Variants in BIRC6 observed in about 807,000 individuals in gnomAD.
The protein encoded by BIRC6 is baculoviral IAP repeat containing 6.
Under a neutral mutation model 503.3 loss-of-function variants are expected in BIRC6, and 98 were observed. That is an observed-to-expected ratio of 0.19 (90% CI 0.17 to 0.23). The LOEUF is 0.23. Among genes scored for constraint, BIRC6 ranks in the 10% least tolerant of loss-of-function variants. The pLI, the probability that BIRC6 is intolerant of heterozygous loss-of-function variation, is 1.00. For missense variants in BIRC6, 5,360 were observed against 5,806.0 expected, an observed-to-expected ratio of 0.92 and a Z score of 2.50; for synonymous variants, 2,240 against 2,078.7, an observed-to-expected ratio of 1.08 and a Z score of -2.11.
intron 11 of BIRC6, among the ~76,000 whole-genome samples, chr2:32,430,593 C>A (rs1455136202): frequency 6.6e-6 from 1 of 152,084 alleles, no homozygotes; most frequent in African/African-American, 2.4e-5. Flanking sequence ...AAGCCCTTTT[C>A]TAACAGGTTG....
chr2:32,579,806 T>C (rs1259398254), intron 66 of BIRC6, among the ~76,000 whole-genome samples: 1 of 151,940 alleles, frequency 6.6e-6, no homozygotes, highest in Non-Finnish European at 1.5e-5. Context: ...TGATTAACAC[T>C]GATAGGTGAG....
intron 13 of BIRC6, among the ~76,000 whole-genome samples, chr2:32,435,242 A>G (rs1014936351): frequency 1.7e-4 from 26 of 152,332 alleles, no homozygotes; most frequent in Middle Eastern, 3.4e-3. Flanking sequence ...TTTAGTTGCC[A>G]GCAGATTGTT....
chr2:32,457,520 A>T (rs1387885411), intron 23 of BIRC6, among the ~76,000 whole-genome samples: 1 of 152,076 alleles, frequency 6.6e-6, no homozygotes, highest in Non-Finnish European at 1.5e-5. Context: ...ATGTACTCTG[A>T]TTCCAGAAGT....
intron 65 of BIRC6, among the ~76,000 whole-genome samples, chr2:32,571,983 G>T (rs2059945824): frequency 6.6e-6 from 1 of 152,102 alleles, no homozygotes; most frequent in Admixed American, 6.5e-5. Context: ...TGTTGACCCA[G>T]TGATCATTCA....
At chr2:32,383,070 G>A (rs1428971957) in intron 3 of BIRC6, among the ~76,000 whole-genome samples, 1 of 150,988 alleles carries the variant, frequency 6.6e-6, no homozygotes, top group Non-Finnish European at 1.5e-5. Context: ...TTTCTTAGAC[G>A]GAGTCTGTCT....
intron 41 of BIRC6, 112 bp downstream of exon 41, chr2:32,487,913 A>C: frequency 1.2e-6 from 1 of 849,858 alleles, no homozygotes; most frequent in Non-Finnish European, 1.8e-6. Flanking sequence ...TCTTTATTAT[A>C]TTCAGTTGGA....
At chr2:32,431,352 C>T (rs1011468760) in intron 12 of BIRC6, among the ~76,000 whole-genome samples, 8 of 151,648 alleles carry the variant, frequency 5.3e-5, no homozygotes, top group Admixed American at 2.0e-4. Flanking sequence ...CGCATCACCA[C>T]GTCCGGCTAA....
chr2:32,377,357 A>G (rs1172812869), intron 1 of BIRC6, among the ~76,000 whole-genome samples: 2 of 152,006 alleles, frequency 1.3e-5, no homozygotes, highest in Non-Finnish European at 2.9e-5. Flanking sequence ...TTCTTTTATA[A>G]TAGCAATTTG....
intron 22 of BIRC6, among the ~76,000 whole-genome samples, chr2:32,449,705 C>T (rs907470848): frequency 1.3e-5 from 2 of 152,154 alleles, no homozygotes; most frequent in Non-Finnish European, 2.9e-5. Context: ...AGATCAAATA[C>T]AAAAATATAA....
At chr2:32,386,869 A>G (rs1377401826) in intron 3 of BIRC6, among the ~76,000 whole-genome samples, 1 of 152,186 alleles carries the variant, frequency 6.6e-6, no homozygotes, top group East Asian at 1.9e-4. Context: ...TTACTGGCCC[A>G]CAGAGAAGAG....
intron 10 of BIRC6, among the ~76,000 whole-genome samples, chr2:32,417,853 C>T (rs1159929641): frequency 6.6e-6 from 1 of 152,152 alleles, no homozygotes; most frequent in Non-Finnish European, 1.5e-5. Context: ...AATCTTGGCT[C>T]ACTGCAACTT....
chr2:32,389,762 T>A (rs2038969805), intron 4 of BIRC6, among the ~76,000 whole-genome samples: 1 of 152,226 alleles, frequency 6.6e-6, no homozygotes, highest in South Asian at 2.1e-4. Flanking sequence ...AGTGGCACAA[T>A]CTTGGCTCAC....
intron 61 of BIRC6, among the ~76,000 whole-genome samples, chr2:32,532,451 A>G (rs2056862024): frequency 6.6e-6 from 1 of 152,022 alleles, no homozygotes; most frequent in Non-Finnish European, 1.5e-5. Context: ...ACGTCGTCAT[A>G]TGGCCATCTT....
chr2:32,450,444 A>G (rs2046574379), intron 22 of BIRC6, among the ~76,000 whole-genome samples: 2 of 152,110 alleles, frequency 1.3e-5, no homozygotes, highest in Admixed American at 6.5e-5. Context: ...CCCGGGCGAA[A>G]GAGTGAGACT....
Position 32,357,139 on chromosome 2 carries a change from C to T in BIRC6, c.-23C>T, listed in dbSNP as rs773335922. 2 of 1,468,526 alleles carry T rather than the reference C, an allele frequency of 1.4e-6. No homozygotes were observed. Among genetic ancestry groups the T allele is most frequent in the Admixed American group, 2.9e-5 (1 of 34,220 alleles). The allele number at this position is 1,468,526 out of a possible 1,614,324, so 91.0% of individuals were successfully genotyped here. On this transcript the variant is annotated 5_prime_UTR_variant, in exon 1 of 74. Transcript: ENST00000421745. This position sits in a 1 kb window ranked among gnomAD's most constrained non-coding sequence, Gnocchi z 4.9. The stretch of plus-strand genomic sequence containing the variant: ...CCTGACTTCACTTCCGGCTAACGCG[C>T]TCGGCTTGCCCCCTGGCCCCGGATG...
At chr2:32,566,537 A>T (rs980723603) in intron 65 of BIRC6, 3 of 152,118 alleles carry the variant, frequency 2.0e-5, no homozygotes, top group Non-Finnish European at 4.4e-5. Context: ...AATTTTGTGT[A>T]GAGATTGGGT....
intron 46 of BIRC6, among the ~76,000 whole-genome samples, chr2:32,500,884 T>C (rs1198304494): frequency 3.3e-5 from 5 of 151,906 alleles, no homozygotes; most frequent in Non-Finnish European, 7.4e-5. Flanking sequence ...GGATTACAGG[T>C]GTGAGCCACT....
chr2:32,501,611 T>C, intron 46 of BIRC6, 102 bp from the exon 47 acceptor site: 2 of 908,230 alleles, frequency 2.2e-6, no homozygotes, highest in Non-Finnish European at 3.2e-6. Flanking sequence ...AGTCAGGTGA[T>C]CCACCTGCCT....
At chr2:32,445,994 A>G (rs1553433153) in intron 21 of BIRC6, among the ~76,000 whole-genome samples, 2 of 151,924 alleles carry the variant, frequency 1.3e-5, no homozygotes, top group Non-Finnish European at 2.9e-5. Context: ...AGTAGCTGGG[A>G]TTACAGGCAT....
Sources: gnomAD v4.1 joint callset for allele counts (sites outside exome capture counted in the v4.1 genomes callset) on GRCh38, gnomAD v4.1.1 for gene constraint, Gnocchi (gnomAD v3.1) non-coding constraint, MANE v1.5 for transcripts, NCBI Gene and HGNC (gene_info 2026-07-23, HGNC 2026-07-21) for gene names.